Variants in CALCRL observed in about 807,000 individuals in gnomAD.
CALCRL encodes the protein calcitonin gene-related peptide type 1 receptor.
CALCRL carries 27 observed loss-of-function variants against 60.4 expected under a neutral mutation model. The observed-to-expected ratio is 0.45, with a 90% CI of 0.33 to 0.62. The LOEUF (loss-of-function observed/expected upper bound fraction) is 0.62, where lower values mean the gene tolerates loss of function less well. Ranked by LOEUF, CALCRL falls within the 20% of genes least tolerant of loss-of-function variation. The pLI is 0.03. For synonymous variants in CALCRL, 190 were observed against 182.6 expected (o/e 1.04, Z -0.33); for missense variants, 424 against 540.7 (o/e 0.78, Z 2.14).
intron 12 of CALCRL, among the ~76,000 whole-genome samples, chr2:187,354,177 GA>G (rs1391142251): frequency 6.6e-6 from 1 of 151,970 alleles, no homozygotes; most frequent in Non-Finnish European, 1.5e-5. Flanking sequence ...TAGAAAAGAA[GA>G]AACCTTTAAC....
intron 1 of CALCRL, among the ~76,000 whole-genome samples, chr2:187,420,655 A>G (rs181248047): frequency 7.2e-5 from 11 of 152,296 alleles, no homozygotes; most frequent in Admixed American, 1.3e-4. Flanking sequence ...GTGCATTGTG[A>G]GTGAAAAAAT....
chr2:187,388,084 C>A (rs1688280866), intron 1 of CALCRL, among the ~76,000 whole-genome samples: 1 of 151,794 alleles, frequency 6.6e-6, no homozygotes, highest in South Asian at 2.1e-4. Flanking sequence ...TAGATATTTA[C>A]ATTTTTTTCA....
At chr2:187,411,906 G>A (rs1320086265) in intron 1 of CALCRL, among the ~76,000 whole-genome samples, 1 of 141,058 alleles carries the variant, frequency 7.1e-6, no homozygotes, top group African/African-American at 2.7e-5. Context: ...TGAGGCAGGA[G>A]AATGGCGTGA....
intron 8 of CALCRL, among the ~76,000 whole-genome samples, chr2:187,375,068 C>G (rs1281894696): frequency 1.3e-5 from 2 of 150,950 alleles, no homozygotes; most frequent in Admixed American, 6.6e-5. Context: ...GTCAGGAGAT[C>G]GAGACCATCC....
Position 187,363,902 on chromosome 2 carries a change from T to C in CALCRL, c.501-400A>G, listed in dbSNP as rs536193114. ...TTGTATTTGCTGTCAGATTCTCATG[T>C]GGATAACTTTTTTCATTACACCATA... On this transcript the variant is annotated intron_variant, in intron 8 of 14. Coordinates refer to ENST00000392370, the MANE Select transcript of CALCRL (RefSeq NM_005795.6). Among the ~76,000 whole-genome samples, 4 of 152,324 alleles carry C rather than the reference T, an allele frequency of 2.6e-5. No individual in the cohort carries two copies. In the East Asian group the frequency reaches 7.7e-4, roughly 29 times the overall value.
chr2:187,402,458 A>G (rs1291149424), intron 1 of CALCRL, among the ~76,000 whole-genome samples: 1 of 151,410 alleles, frequency 6.6e-6, no homozygotes, highest in African/African-American at 2.4e-5. Context: ...AGAGAGAGAG[A>G]CATCTACGTA....
chr2:187,411,063 A>C (rs1199299850), intron 1 of CALCRL, among the ~76,000 whole-genome samples: 1 of 152,194 alleles, frequency 6.6e-6, no homozygotes, highest in African/African-American at 2.4e-5. Flanking sequence ...TCAATTACTC[A>C]TGAAAGCTTT....
chr2:187,400,312 G>T (rs570056228), intron 1 of CALCRL, among the ~76,000 whole-genome samples: 6 of 151,284 alleles, frequency 4.0e-5, no homozygotes, highest in African/African-American at 1.5e-4. Flanking sequence ...TTAGGAAAAT[G>T]CAATTCCAAA....
At chr2:187,363,098 G>T (rs988032084) in intron 9 of CALCRL, among the ~76,000 whole-genome samples, 2 of 151,992 alleles carry the variant, frequency 1.3e-5, no homozygotes, top group Non-Finnish European at 2.9e-5. Flanking sequence ...TTGAAGCAAA[G>T]AAATTATTAC....
intron 1 of CALCRL, among the ~76,000 whole-genome samples, chr2:187,417,747 T>C (rs1218073127): frequency 1.4e-4 from 21 of 152,164 alleles, no homozygotes; most frequent in Non-Finnish European, 2.9e-5. Flanking sequence ...CTCTTCAATA[T>C]TTTGTTTTAT....
chr2:187,410,393 C>T (rs1420080952), intron 1 of CALCRL, among the ~76,000 whole-genome samples: 4 of 151,820 alleles, frequency 2.6e-5, no homozygotes, highest in Non-Finnish European at 5.9e-5. Flanking sequence ...GAGATATCTG[C>T]CCTACTTCAC....
intron 12 of CALCRL, among the ~76,000 whole-genome samples, chr2:187,358,410 G>A (rs1441218186): frequency 6.6e-6 from 1 of 151,950 alleles, no homozygotes; most frequent in Admixed American, 6.6e-5. Flanking sequence ...TGTGACTTCT[G>A]TTTTCCTGCA....
At chr2:187,442,655 G>C (rs1446834638) in intron 1 of CALCRL, among the ~76,000 whole-genome samples, 5 of 151,732 alleles carry the variant, frequency 3.3e-5, no homozygotes. Context: ...TGAATTTATT[G>C]GATCCTTCTT....
At chr2:187,373,623 T>TA (rs1687623875) in intron 8 of CALCRL, among the ~76,000 whole-genome samples, 1 of 152,192 alleles carries the variant, frequency 6.6e-6, no homozygotes, top group Non-Finnish European at 1.5e-5. Context: ...AATGGACTAA[T>TA]AAGAAGTGAG....
intron 8 of CALCRL, among the ~76,000 whole-genome samples, chr2:187,375,488 T>C (rs1687718138): frequency 6.6e-6 from 1 of 152,212 alleles, no homozygotes; most frequent in African/African-American, 2.4e-5. Flanking sequence ...ATTTCTTATA[T>C]TGGCAAGACA....
intron 1 of CALCRL, among the ~76,000 whole-genome samples, chr2:187,444,865 T>C (rs1052543595): frequency 7.9e-5 from 12 of 151,586 alleles, no homozygotes; most frequent in African/African-American, 2.7e-4. Flanking sequence ...CTAATTTACA[T>C]GGTCCATGTG....
At chr2:187,418,950 G>A (rs1689745415) in intron 1 of CALCRL, among the ~76,000 whole-genome samples, 2 of 148,200 alleles carry the variant, frequency 1.3e-5, no homozygotes, top group Admixed American at 6.8e-5. Flanking sequence ...CCGCCTCCCA[G>A]GTTCGAGCTA....
At chr2:187,435,686 G>A (rs1690606049) in intron 1 of CALCRL, among the ~76,000 whole-genome samples, 1 of 152,110 alleles carries the variant, frequency 6.6e-6, no homozygotes, top group Non-Finnish European at 1.5e-5. Flanking sequence ...ATTAGGGAAA[G>A]GTCAAGGGAT....
chr2:187,429,389 C>T lies in CALCRL; in HGVS notation c.-293+18650G>A, dbSNP rs73981577. 2.7e-3 allele frequency among the ~76,000 whole-genome samples: 417 copies of T among 152,242 alleles called. 5 individuals carry two copies. Among genetic ancestry groups the T allele is most frequent in the African/African-American group, 9.7e-3 (403 of 41,550 alleles). The stretch of plus-strand genomic sequence containing the variant: ...GTTACAGGCAGCTATTTCAGAACTT[C>T]AGAGCTGGGATGGACCTGAGAAATC... On this transcript the variant is annotated intron_variant, in intron 1 of 14. Transcript: ENST00000392370.
Sources: gnomAD v4.1 joint callset for allele counts (sites outside exome capture counted in the v4.1 genomes callset) on GRCh38, gnomAD v4.1.1 for gene constraint, MANE v1.5 for transcripts, NCBI Gene and HGNC (gene_info 2026-07-23, HGNC 2026-07-21) for gene names.